PHACTR1: variants seen among roughly 807,000 people sequenced by gnomAD.
The protein encoded by PHACTR1 is phosphatase and actin regulator 1.
Under a neutral mutation model 69.2 loss-of-function variants are expected in PHACTR1, and 16 were observed. The ratio of observed to expected loss-of-function variants is 0.23; its 90% CI spans 0.16 to 0.35. The LOEUF (loss-of-function observed/expected upper bound fraction) is 0.35, where lower values mean the gene tolerates loss of function less well. Among genes scored for constraint, PHACTR1 ranks in the 10% least tolerant of loss-of-function variants. PHACTR1 has a pLI of 1.00. For missense variants in PHACTR1, 510 were observed against 734.7 expected, an observed-to-expected ratio of 0.69 and a Z score of 3.54; for synonymous variants, 312 against 284.5, an observed-to-expected ratio of 1.10 and a Z score of -0.97.
intron 5 of PHACTR1, among the ~76,000 whole-genome samples, chr6:13,116,200 C>A (rs923059273): frequency 5.9e-5 from 9 of 152,186 alleles, no homozygotes; most frequent in African/African-American, 1.9e-4. Context: ...GATAACTGAA[C>A]TGAAATTGGA....
intron 4 of PHACTR1, among the ~76,000 whole-genome samples, chr6:12,955,627 C>T (rs1791805763): frequency 6.6e-6 from 1 of 152,084 alleles, no homozygotes; most frequent in South Asian, 2.1e-4. Context: ...AATGTCTCAC[C>T]ACCTGATGTT....
At chr6:13,178,581 G>T (rs1300489899) in intron 6 of PHACTR1, among the ~76,000 whole-genome samples, 1 of 152,232 alleles carries the variant, frequency 6.6e-6, no homozygotes, top group Non-Finnish European at 1.5e-5. Flanking sequence ...GCCTCCAGCG[G>T]GTTGCTATGC....
intron 13 of PHACTR1, among the ~76,000 whole-genome samples, chr6:13,284,547 T>TAC (rs1781156218): frequency 1.3e-5 from 1 of 76,680 alleles, no homozygotes; most frequent in African/African-American, 7.9e-5. Flanking sequence ...AAAAAAAATA[T>TAC]ATATATATAT....
intron 4 of PHACTR1, among the ~76,000 whole-genome samples, chr6:12,985,870 T>C (rs1008422405): frequency 2.0e-5 from 3 of 151,982 alleles, no homozygotes; most frequent in South Asian, 2.1e-4. Context: ...AGTTTTACTC[T>C]TGTTGCCCAG....
rs1320376656 is a variant in PHACTR1, at chr6:13,264,098, A to G, written c.1392-8762A>G. On this transcript the variant is annotated intron_variant, in intron 10 of 14. Coordinates refer to ENST00000332995, the MANE Select transcript of PHACTR1 (RefSeq NM_030948.6). ...GTGAATGGTAAAATTTTAAACTAAA[A>G]TAAGTCATCTTCAGTGTATCTCAAC... Among the ~76,000 whole-genome samples, 3 of 152,238 alleles carry G rather than the reference A, an allele frequency of 2.0e-5. No homozygotes were observed. The East Asian group carries it at 5.8e-4, about 29-fold the overall frequency.
intron 4 of PHACTR1, among the ~76,000 whole-genome samples, chr6:12,964,472 T>A (rs1177670174): frequency 6.6e-6 from 1 of 152,098 alleles, no homozygotes; most frequent in Non-Finnish European, 1.5e-5. Context: ...CAGGAGACAT[T>A]TTCAGCAAAG....
At chr6:13,202,985 AC>A (rs911244928) in intron 7 of PHACTR1, among the ~76,000 whole-genome samples, 1 of 152,200 alleles carries the variant, frequency 6.6e-6, no homozygotes, top group African/African-American at 2.4e-5. Context: ...TGTGGTTATG[AC>A]TGGTTTGCAT....
chr6:13,126,977 T>C (rs1819634335), intron 5 of PHACTR1, among the ~76,000 whole-genome samples: 1 of 152,224 alleles, frequency 6.6e-6, no homozygotes, highest in Non-Finnish European at 1.5e-5. Context: ...ATGTATTTAA[T>C]GCAAGTTTTA....
chr6:13,214,967 G>A (rs185798649), intron 8 of PHACTR1, among the ~76,000 whole-genome samples: 29 of 152,246 alleles, frequency 1.9e-4, no homozygotes, highest in African/African-American at 5.5e-4. Context: ...AAATAAATAC[G>A]TTTCTAATAA....
intron 8 of PHACTR1, 137 bp from the exon 9 acceptor site, chr6:13,227,679 T>A: frequency 8.7e-7 from 1 of 1,148,700 alleles, no homozygotes; most frequent in South Asian, 1.5e-5. Context: ...CCCTGTAAGA[T>A]GAGCAATGGA....
intron 7 of PHACTR1, among the ~76,000 whole-genome samples, chr6:13,201,414 G>A (rs1765216645): frequency 6.6e-6 from 1 of 152,206 alleles, no homozygotes; most frequent in African/African-American, 2.4e-5. Flanking sequence ...AGAGGCCAGA[G>A]TGGACGAGAG....
At chr6:12,768,540 G>A (rs1005514244) in intron 4 of PHACTR1, among the ~76,000 whole-genome samples, 1 of 149,414 alleles carries the variant, frequency 6.7e-6, no homozygotes, top group African/African-American at 2.4e-5. Context: ...AGGGGTTTGG[G>A]TGGGTGGATT....
At chr6:12,813,364 A>G (rs1775232577) in intron 4 of PHACTR1, among the ~76,000 whole-genome samples, 1 of 152,324 alleles carries the variant, frequency 6.6e-6, no homozygotes, top group Non-Finnish European at 1.5e-5. Flanking sequence ...ACACCTTGAA[A>G]TTATCTGGAA....
intron 4 of PHACTR1, among the ~76,000 whole-genome samples, chr6:13,016,868 TCA>T (rs1484337786): frequency 2.6e-5 from 4 of 152,108 alleles, no homozygotes; most frequent in Admixed American, 1.3e-4. Context: ...AAACAAAGAC[TCA>T]CACCCTCATC....
chr6:13,018,910 A>C (rs1405580246), intron 4 of PHACTR1, among the ~76,000 whole-genome samples: 1 of 151,780 alleles, frequency 6.6e-6, no homozygotes, highest in Non-Finnish European at 1.5e-5. Flanking sequence ...ATAGGGTCTC[A>C]CTCTGTTGCC....
rs763158389 is a variant in PHACTR1, at chr6:13,053,374, T to G, written c.260T>G (p.Val87Gly). Residue 87 changes from valine (V) to glycine (G), a missense_variant, in exon 5 of 15, where the codon GTG becomes GGG. Val to Gly is a moderately radical substitution (Grantham distance 109). This residue lies in a region of PHACTR1 where 419 missense variants were observed against 530.9 expected (regional missense o/e 0.79). Coordinates refer to ENST00000332995, the MANE Select transcript of PHACTR1 (RefSeq NM_030948.6). ...ISFNLGAAEE[V>G]ERLAAMRSDS... ...TCTTGGAAATAACAAGCTGAGGAAG[T>G]GGAGAGGCTGGCGGCGATGCGTTCT... The G allele has an allele frequency of 6.2e-7, 1 of 1,602,724 alleles. No individual in the cohort carries two copies. The highest frequency in any genetic ancestry group is 8.5e-7 in the Non-Finnish European group (1 of 1,174,132).
intron 4 of PHACTR1, among the ~76,000 whole-genome samples, chr6:12,821,657 G>A (rs1012401785): frequency 2.0e-5 from 3 of 152,010 alleles, no homozygotes; most frequent in Non-Finnish European, 4.4e-5. Flanking sequence ...AGGATATTTT[G>A]TTGGGAAAAA....
intron 5 of PHACTR1, among the ~76,000 whole-genome samples, chr6:13,156,759 C>T (rs1361269664): frequency 6.6e-6 from 1 of 152,210 alleles, no homozygotes; most frequent in East Asian, 1.9e-4. Context: ...TCATGGACAG[C>T]ACCGTCCATT....
intron 4 of PHACTR1, among the ~76,000 whole-genome samples, chr6:13,051,013 G>A (rs1805856750): frequency 6.6e-6 from 1 of 151,964 alleles, no homozygotes; most frequent in Non-Finnish European, 1.5e-5. Context: ...CGCTGTCAAG[G>A]ATTTCCCCAT....
Sources: allele counts gnomAD v4.1 joint callset (sites outside exome capture counted in the v4.1 genomes callset), GRCh38; gene constraint gnomAD v4.1.1; regional missense constraint gnomAD v4.1.1; transcripts MANE v1.5; gene names NCBI Gene and HGNC (gene_info 2026-07-23, HGNC 2026-07-21).